The following SIPA1L3 variants were observed in gnomAD, a reference collection of about 807,000 sequenced individuals.
SIPA1L3 encodes signal induced proliferation associated 1 like 3, also known as signal-induced proliferation-associated 1-like protein 3.
Under a neutral mutation model 150.1 loss-of-function variants are expected in SIPA1L3, and 59 were observed. The ratio of observed to expected loss-of-function variants is 0.39; its 90% CI spans 0.32 to 0.49. The LOEUF is 0.49. Ranked by LOEUF, SIPA1L3 falls within the 20% of genes least tolerant of loss-of-function variation. SIPA1L3 has a pLI of 0.86. For synonymous variants in SIPA1L3, 1,070 were observed against 1,077.6 expected, an observed-to-expected ratio of 0.99 and a Z score of 0.14; for missense variants, 2,211 against 2,489.5, an observed-to-expected ratio of 0.89 and a Z score of 2.38.
chr19:38,044,203 T>A (rs1164798646), intron 2 of SIPA1L3, among the ~76,000 whole-genome samples: 3 of 152,138 alleles, frequency 2.0e-5, no homozygotes, highest in Admixed American at 1.3e-4. Flanking sequence ...GCAGAAGGCC[T>A]TGTGAAGAAT....
intron 1 of SIPA1L3, among the ~76,000 whole-genome samples, chr19:38,020,822 T>C (rs760082017): frequency 2.0e-4 from 30 of 152,146 alleles, no homozygotes; most frequent in Non-Finnish European, 3.2e-4. Context: ...TTTTTTTGTT[T>C]TTTGAGATGG....
intron 12 of SIPA1L3, among the ~76,000 whole-genome samples, chr19:38,145,534 CAAAA>C (rs35073920): frequency 7.4e-5 from 7 of 94,290 alleles, no homozygotes; most frequent in Non-Finnish European, 1.1e-4. Context: ...AACTCCGTCT[CAAAA>C]AAAAAAAAAA....
At chr19:37,913,182 G>A (rs1479993185) in intron 1 of SIPA1L3, among the ~76,000 whole-genome samples, 1 of 151,680 alleles carries the variant, frequency 6.6e-6, no homozygotes, top group East Asian at 1.9e-4. Flanking sequence ...GAGACTGAAT[G>A]AAATGTCTGC....
rs369530820 is a variant in SIPA1L3 at position 38,141,220 on chromosome 19, G to A, written c.3180G>A (p.Glu1060=). ...WPETYDMNTS[E]PKTEQESITP... is the part of the protein sequence containing the mutation. ...AGACCTACGACATGAATACCTCGGAGCCCAAGACGGAGCAGGAAAGCATCA... is the reference window on the plus strand; with the variant it reads ...AGACCTACGACATGAATACCTCGGAACCCAAGACGGAGCAGGAAAGCATCA... The change falls in exon 11 of 22, where the codon GAG becomes GAA. Residue 1060 remains glutamate (E), a synonymous_variant. Coordinates refer to ENST00000222345, the MANE Select transcript of SIPA1L3 (RefSeq NM_015073.3). The A allele has an allele frequency of 1.3e-5, 21 of 1,612,206 alleles. No homozygotes were observed. Among genetic ancestry groups the A allele is most frequent in the Admixed American group, 3.3e-5 (2 of 59,906 alleles).
intron 2 of SIPA1L3, among the ~76,000 whole-genome samples, chr19:38,049,878 G>A (rs1001665468): frequency 3.9e-5 from 6 of 151,956 alleles, no homozygotes; most frequent in East Asian, 1.9e-4. Context: ...TGGGGTCTCC[G>A]GGGTTTTAAT....
Position 38,192,329 on chromosome 19 carries a change from C to A in SIPA1L3, c.4596+19C>A, listed in dbSNP as rs1306873668. The A allele has an allele frequency of 6.4e-7, 1 of 1,568,102 alleles. No individual in the cohort carries two copies. The highest frequency in any genetic ancestry group is 1.2e-5 in the South Asian group (1 of 84,482). On this transcript the variant is annotated intron_variant, in intron 17 of 21. Transcript: ENST00000222345. Reference sequence around the variant, plus strand: ...CACGGGAGTACGTAGGGCCCTGTCCCCCGCTCCCGACCCCCAGCTCCCAAG... The same window carrying A: ...CACGGGAGTACGTAGGGCCCTGTCCACCGCTCCCGACCCCCAGCTCCCAAG...
intron 1 of SIPA1L3, among the ~76,000 whole-genome samples, chr19:37,971,124 A>G (rs995432839): frequency 2.6e-5 from 4 of 151,398 alleles, no homozygotes; most frequent in African/African-American, 9.7e-5. Context: ...CCCACCTCCC[A>G]TGCTTTTTTT....
At chr19:37,987,634 C>T (rs1013632628) in intron 1 of SIPA1L3, among the ~76,000 whole-genome samples, 3 of 152,176 alleles carry the variant, frequency 2.0e-5, no homozygotes, top group African/African-American at 4.8e-5. Context: ...TGGTTACCAG[C>T]GGCCTCGCAC....
At chr19:38,108,372 C>G (rs1460682946) in intron 7 of SIPA1L3, 1 of 152,112 alleles carries the variant, frequency 6.6e-6, no homozygotes, top group African/African-American at 2.4e-5. Flanking sequence ...CCTAAGTTTT[C>G]TCATCTGTAA....
At chr19:38,100,687 T>C (rs1011252876) in intron 5 of SIPA1L3, among the ~76,000 whole-genome samples, 1 of 152,366 alleles carries the variant, frequency 6.6e-6, no homozygotes, top group African/African-American at 2.4e-5. Flanking sequence ...ACTATAAGCC[T>C]TGAGCCCTCC....
intron 16 of SIPA1L3, 81 bp from the exon 17 acceptor site, chr19:38,192,064 C>T (rs968372523): frequency 5.9e-5 from 80 of 1,351,176 alleles, no homozygotes; most frequent in African/African-American, 1.0e-4. Context: ...CCGTGGTGGC[C>T]GGCCCTCTTG....
chr19:38,206,007 G>C, intron 21 of SIPA1L3, 90 bp from the exon 22 acceptor site: 3 of 1,395,488 alleles, frequency 2.1e-6, no homozygotes, highest in African/African-American at 2.9e-5. Flanking sequence ...AAGCACAGCC[G>C]GGCCAGGGCT....
At chr19:37,979,315 G>A (rs1967146046) in intron 1 of SIPA1L3, among the ~76,000 whole-genome samples, 2 of 152,048 alleles carry the variant, frequency 1.3e-5, no homozygotes, top group Non-Finnish European at 2.9e-5. Context: ...TTGGGAGGCC[G>A]AGGCAGGTGG....
chr19:38,113,409 C>T (rs947328179), intron 8 of SIPA1L3, among the ~76,000 whole-genome samples: 5 of 152,130 alleles, frequency 3.3e-5, no homozygotes, highest in Non-Finnish European at 2.9e-5. Context: ...AGGAGGATCA[C>T]TTGAGCCTGG....
chr19:38,034,614 T>C (rs996850882), intron 2 of SIPA1L3, among the ~76,000 whole-genome samples: 1 of 152,178 alleles, frequency 6.6e-6, no homozygotes, highest in Non-Finnish European at 1.5e-5. Flanking sequence ...CAGTGTGTTT[T>C]GCTTTGGGGA....
chr19:37,969,550 T>TA (rs879300538), intron 1 of SIPA1L3, among the ~76,000 whole-genome samples: 37 of 146,838 alleles, frequency 2.5e-4, no homozygotes, highest in African/African-American at 4.7e-4. Flanking sequence ...ATACTGTGTC[T>TA]AAAAAAAAAA....
chr19:37,996,987 G>A (rs1305433369), intron 1 of SIPA1L3, among the ~76,000 whole-genome samples: 3 of 151,634 alleles, frequency 2.0e-5, no homozygotes, highest in African/African-American at 4.8e-5. Flanking sequence ...GTGAGCCACC[G>A]TGCCCGGCCA....
At chr19:38,055,827 T>C (rs1255800140) in intron 2 of SIPA1L3, among the ~76,000 whole-genome samples, 1 of 152,224 alleles carries the variant, frequency 6.6e-6, no homozygotes, top group African/African-American at 2.4e-5. Context: ...TGAGGAACAC[T>C]TGGGAGAAGC....
chr19:38,154,135 C>G (rs1436374701), intron 13 of SIPA1L3, among the ~76,000 whole-genome samples: 2 of 152,182 alleles, frequency 1.3e-5, no homozygotes, highest in Non-Finnish European at 2.9e-5. Flanking sequence ...TACAGAATCA[C>G]ACTGTGTCTA....
Sources: allele counts gnomAD v4.1 joint callset (sites outside exome capture counted in the v4.1 genomes callset), GRCh38; gene constraint gnomAD v4.1.1; transcripts MANE v1.5; gene names NCBI Gene and HGNC (gene_info 2026-07-23, HGNC 2026-07-21).